Variants in ADAMTS3 observed in about 807,000 individuals in gnomAD.
The protein encoded by ADAMTS3 is A disintegrin and metalloproteinase with thrombospondin motifs 3.
A neutral mutation model predicts 129.0 loss-of-function variants in ADAMTS3; 73 were observed. The ratio of observed to expected loss-of-function variants is 0.57; its 90% CI spans 0.47 to 0.69. The LOEUF is 0.69. Among genes scored for constraint, ADAMTS3 ranks in the 30% least tolerant of loss-of-function variants. ADAMTS3 has a pLI of 0.00. For missense variants in ADAMTS3, 1,457 were observed against 1,514.5 expected, an observed-to-expected ratio of 0.96 and a Z score of 0.63; for synonymous variants, 477 against 510.8, an observed-to-expected ratio of 0.93 and a Z score of 0.89.
intron 4 of ADAMTS3, among the ~76,000 whole-genome samples, chr4:72,340,278 C>T (rs914630491): frequency 1.3e-5 from 2 of 150,582 alleles, no homozygotes; most frequent in African/African-American, 4.9e-5. Context: ...ATGCTGCCAG[C>T]GAAGAAGTGG....
chr4:72,307,775 C>T (rs1438348138), intron 15 of ADAMTS3, among the ~76,000 whole-genome samples: 1 of 151,906 alleles, frequency 6.6e-6, no homozygotes, highest in Non-Finnish European at 1.5e-5. Context: ...CTTTATGGCA[C>T]CTCTTGCTTA....
chr4:72,331,801 G>A (rs535590398), intron 5 of ADAMTS3, among the ~76,000 whole-genome samples: 8 of 152,198 alleles, frequency 5.3e-5, no homozygotes, highest in East Asian at 1.9e-4. Context: ...ATGACATGTC[G>A]TCTTAGGAAG....
At chr4:72,448,820 G>C (rs916141889) in intron 3 of ADAMTS3, among the ~76,000 whole-genome samples, 5 of 151,328 alleles carry the variant, frequency 3.3e-5, no homozygotes, top group African/African-American at 1.2e-4. Context: ...GAAGTGCATT[G>C]GTGTTTAATT....
intron 3 of ADAMTS3, among the ~76,000 whole-genome samples, chr4:72,460,591 T>A (rs753203199): frequency 3.3e-5 from 5 of 151,376 alleles, no homozygotes; most frequent in Non-Finnish European, 7.4e-5. Context: ...ATAAATATGC[T>A]AACAATTACT....
chr4:72,556,614 T>C (rs1578794065), intron 2 of ADAMTS3, among the ~76,000 whole-genome samples: 1 of 151,798 alleles, frequency 6.6e-6, no homozygotes, highest in African/African-American at 2.4e-5. Context: ...TTGGGTATGA[T>C]GGTTGAGCAC....
chr4:72,517,930 G>A (rs1206480677), intron 3 of ADAMTS3, among the ~76,000 whole-genome samples: 1 of 150,402 alleles, frequency 6.6e-6, no homozygotes, highest in African/African-American at 2.4e-5. Context: ...TGTGATGTTA[G>A]GGTGTCAATT....
intron 4 of ADAMTS3, among the ~76,000 whole-genome samples, chr4:72,365,530 T>C (rs1045761881): frequency 2.0e-5 from 3 of 152,200 alleles, no homozygotes; most frequent in Admixed American, 6.5e-5. Flanking sequence ...GGCCACTGCA[T>C]ACAGTCCTGT....
At chr4:72,315,816 C>A (rs1358572144) in intron 11 of ADAMTS3, 42 bp downstream of exon 11, 3 of 1,277,492 alleles carry the variant, frequency 2.3e-6, no homozygotes, top group Non-Finnish European at 2.2e-6. Context: ...GATAATTATG[C>A]AACATATCTT....
intron 3 of ADAMTS3, among the ~76,000 whole-genome samples, chr4:72,506,686 A>T (rs941714093): frequency 2.6e-5 from 4 of 152,198 alleles, no homozygotes; most frequent in African/African-American, 9.7e-5. Flanking sequence ...TGGGAGAAAC[A>T]GAGCGTTCTT....
chr4:72,502,501 T>A (rs1283073728), intron 3 of ADAMTS3, among the ~76,000 whole-genome samples: 1 of 152,126 alleles, frequency 6.6e-6, no homozygotes, highest in Non-Finnish European at 1.5e-5. Context: ...GACTTTCTTG[T>A]TTTCACAGTT....
At chr4:72,549,980 GAA>G (rs1721577817) in intron 2 of ADAMTS3, among the ~76,000 whole-genome samples, 1 of 28,794 alleles carries the variant, frequency 3.5e-5, no homozygotes, top group Non-Finnish European at 6.4e-5. Context: ...AGAAGAAGAA[GAA>G]GAAGAAGAAG....
intron 3 of ADAMTS3, among the ~76,000 whole-genome samples, chr4:72,519,053 C>T (rs1231043182): frequency 6.7e-6 from 1 of 150,364 alleles, no homozygotes; most frequent in African/African-American, 2.4e-5. Flanking sequence ...AATCTCTCAG[C>T]ATTTGCTTGT....
intron 3 of ADAMTS3, among the ~76,000 whole-genome samples, chr4:72,469,461 T>C (rs970015322): frequency 2.6e-5 from 4 of 152,126 alleles, no homozygotes; most frequent in African/African-American, 7.2e-5. Flanking sequence ...TTGTGAGAAT[T>C]AAAGGGGTTA....
intron 3 of ADAMTS3, among the ~76,000 whole-genome samples, chr4:72,545,168 G>A (rs147736701): frequency 1.3e-5 from 2 of 152,102 alleles, no homozygotes; most frequent in East Asian, 3.9e-4. Context: ...TCACAAAAGA[G>A]AAATACAGAT....
intron 2 of ADAMTS3, among the ~76,000 whole-genome samples, chr4:72,553,261 G>A (rs1721686521): frequency 6.6e-6 from 1 of 152,006 alleles, no homozygotes; most frequent in Non-Finnish European, 1.5e-5. Context: ...ACATTTCTTA[G>A]TATCCAGGTC....
intron 3 of ADAMTS3, among the ~76,000 whole-genome samples, chr4:72,505,979 C>T (rs1221817625): frequency 3.3e-5 from 5 of 152,192 alleles, no homozygotes; most frequent in Non-Finnish European, 5.9e-5. Flanking sequence ...GCAATTATGC[C>T]TGCAGAACCA....
chr4:72,290,796 T>C, intron 20 of ADAMTS3, 59 bp downstream of exon 20: 2 of 1,543,162 alleles, frequency 1.3e-6, no homozygotes, highest in Non-Finnish European at 1.8e-6. Context: ...CAAATTAAAA[T>C]ATCTACACAT....
intron 3 of ADAMTS3, among the ~76,000 whole-genome samples, chr4:72,536,178 T>G (rs1721180866): frequency 6.6e-6 from 1 of 152,172 alleles, no homozygotes; most frequent in African/African-American, 2.4e-5. Context: ...AAGATTCAAA[T>G]AAGTGGAACA....
chr4:72,296,358 A>G (rs1249351466), intron 18 of ADAMTS3, among the ~76,000 whole-genome samples: 1 of 152,102 alleles, frequency 6.6e-6, no homozygotes, highest in Non-Finnish European at 1.5e-5. Flanking sequence ...GGGAAGGATC[A>G]GATCTTGAAA....
Sources: gnomAD v4.1 joint callset for allele counts (sites outside exome capture counted in the v4.1 genomes callset) on GRCh38, gnomAD v4.1.1 for gene constraint, MANE v1.5 for transcripts, NCBI Gene and HGNC (gene_info 2026-07-23, HGNC 2026-07-21) for gene names.